The following ATP7B variants were observed in gnomAD, a reference collection of about 807,000 sequenced individuals.
The protein encoded by ATP7B is copper-transporting ATPase 2.
In ATP7B, 113 loss-of-function variants were observed where a neutral mutation model predicts 118.9. That is an observed-to-expected ratio of 0.95 (90% confidence interval 0.82 to 1.11). The LOEUF (loss-of-function observed/expected upper bound fraction) is 1.11. Among genes scored for constraint, ATP7B ranks in the 50% most tolerant of loss-of-function variants. ATP7B has a pLI of 0.00. For synonymous variants in ATP7B, 777 were observed against 727.4 expected (o/e 1.07, Z -1.10); for missense variants, 1,867 against 1,871.4 (o/e 1.00, Z 0.04).
In ATP7B at chr13:51,974,495, T is replaced by C. The variant is rs753574641; in HGVS notation, c.725A>G (p.Asn242Ser). Reference sequence around the variant, plus strand: ...CCCCAAGGTCTCAGAATTATTAAAATTCTGGTTAGCAGAAGATAAAGGTCT... The same window carrying C: ...CCCCAAGGTCTCAGAATTATTAAAACTCTGGTTAGCAGAAGATAAAGGTCT... ...PKRPLSSANQ[N>S]FNNSETLGHQ... is the part of the protein sequence containing the mutation. The change falls in exon 2 of 21, where the codon AAT (asparagine) becomes AGT (serine). Residue 242 changes from asparagine to serine, a missense_variant. Asn to Ser is a conservative substitution (Grantham distance 46). Coordinates refer to ENST00000242839, the MANE Select transcript of ATP7B (RefSeq NM_000053.4). 1.2e-6 allele frequency: 2 copies of C among 1,614,148 alleles called. No homozygotes were observed. Among genetic ancestry groups the C allele is most frequent in the Non-Finnish European group, 1.7e-6 (2 of 1,180,010 alleles).
chr13:51,987,580 A>C (rs1255568436), intron 1 of ATP7B, among the ~76,000 whole-genome samples: 1 of 152,204 alleles, frequency 6.6e-6, no homozygotes, highest in Non-Finnish European at 1.5e-5. Flanking sequence ...TTCATACGGA[A>C]CCAAAAAAGA....
At chr13:51,987,186 A>C (rs1952697685) in intron 1 of ATP7B, among the ~76,000 whole-genome samples, 1 of 152,222 alleles carries the variant, frequency 6.6e-6, no homozygotes, top group Admixed American at 6.5e-5. Context: ...TCTCAGCCCA[A>C]AATCTCCTTA....
chr13:51,972,712 G>C (rs1192736031), intron 2 of ATP7B, among the ~76,000 whole-genome samples: 2 of 152,168 alleles, frequency 1.3e-5, no homozygotes, highest in South Asian at 4.1e-4. Context: ...TAAAACCCAT[G>C]ATGGTGGCTG....
At chr13:52,001,675 T>C (rs550822945) in intron 1 of ATP7B, among the ~76,000 whole-genome samples, 1 of 152,188 alleles carries the variant, frequency 6.6e-6, no homozygotes, top group African/African-American at 2.4e-5. Flanking sequence ...TCCTTCCCTG[T>C]CTTATTTTTC....
chr13:51,996,963 A>G (rs149754940), intron 1 of ATP7B, among the ~76,000 whole-genome samples: 7 of 152,362 alleles, frequency 4.6e-5, no homozygotes, highest in Non-Finnish European at 8.8e-5. Context: ...CATCAAAGGA[A>G]AGGTATATTT....
chr13:51,972,067 C>T lies in ATP7B; in HGVS notation c.1286-1318G>A, dbSNP rs547320186. Among the ~76,000 whole-genome samples the T allele has an allele frequency of 2.6e-5, 4 of 152,322 alleles. No individual in the cohort carries two copies. In the East Asian group the frequency reaches 7.7e-4, roughly 29 times the overall value. On this transcript the variant is annotated intron_variant, in intron 2 of 20. Coordinates refer to ENST00000242839, the MANE Select transcript of ATP7B (RefSeq NM_000053.4). ...GTCTGGGACCTAATCGGTTACAACACACCACCCACACAGCTGCCCCTCACA... is the reference window on the plus strand; with the variant it reads ...GTCTGGGACCTAATCGGTTACAACATACCACCCACACAGCTGCCCCTCACA...
intron 5 of ATP7B, among the ~76,000 whole-genome samples, chr13:51,962,230 G>A (rs1163522504): frequency 2.0e-5 from 3 of 152,162 alleles, no homozygotes; most frequent in Admixed American, 1.3e-4. Flanking sequence ...CATGTATGAG[G>A]AAACAGAAGG....
chr13:51,981,817 C>T (rs1447981548), intron 1 of ATP7B, among the ~76,000 whole-genome samples: 1 of 152,030 alleles, frequency 6.6e-6, no homozygotes, highest in Non-Finnish European at 1.5e-5. Context: ...TCCAATTTTT[C>T]AAACTTAAAT....
At position 51,934,908 on chromosome 13, in the gene ATP7B, C is replaced by T. The variant is rs777494364; in HGVS notation, c.4246G>A (p.Ala1416Thr). 2.2e-5 allele frequency: 35 copies of T among 1,614,118 alleles called. No homozygotes were observed. In the South Asian group the frequency reaches 3.6e-4, roughly 17 times the overall value. The change falls in exon 21 of 21, where the codon GCC (alanine) becomes ACC (threonine). Residue 1416 changes from alanine (A) to threonine (T), a missense_variant. Transcript: ENST00000242839. ...TAGCTGACCTGGTCCCATGGTGTGG[C>T]CCTGGGGGAGTCCCGCCACCTGTCA... ...MDDRWRDSPR[A>T]TPWDQVSYVS...
chr13:51,964,681 T>A, intron 5 of ATP7B, 191 bp downstream of exon 5: 1 of 623,240 alleles, frequency 1.6e-6, no homozygotes, highest in Non-Finnish European at 2.7e-6. Flanking sequence ...TTCACTGATA[T>A]CCTCCCTCAG....
intron 6 of ATP7B, among the ~76,000 whole-genome samples, chr13:51,960,889 A>G (rs993779391): frequency 3.9e-5 from 6 of 152,150 alleles, no homozygotes; most frequent in African/African-American, 1.4e-4. Flanking sequence ...AGCATCCATG[A>G]AATTCCAACC....
chr13:51,987,396 C>A (rs1388751494), intron 1 of ATP7B, among the ~76,000 whole-genome samples: 2 of 152,178 alleles, frequency 1.3e-5, no homozygotes, highest in African/African-American at 4.8e-5. Context: ...CAAACCACTG[C>A]TCAAGGAAAT....
At chr13:51,945,917 C>T (rs1046145822) in intron 13 of ATP7B, among the ~76,000 whole-genome samples, 1 of 152,176 alleles carries the variant, frequency 6.6e-6, no homozygotes, top group African/African-American at 2.4e-5. Context: ...CACGGTGGGG[C>T]TTTTGTCCTG....
chr13:51,964,457 G>A (rs1354569931), intron 5 of ATP7B, among the ~76,000 whole-genome samples: 1 of 152,210 alleles, frequency 6.6e-6, no homozygotes, highest in African/African-American at 2.4e-5. Context: ...CACAACAAGA[G>A]TGGCCTGGCA....
chr13:51,958,601 G>T (rs1050329547), intron 7 of ATP7B, 57 bp from the exon 8 acceptor site: 2 of 1,492,364 alleles, frequency 1.3e-6, no homozygotes, highest in African/African-American at 1.4e-5. Flanking sequence ...TTCAATGAGC[G>T]ACACAGGGCC....
intron 1 of ATP7B, among the ~76,000 whole-genome samples, chr13:52,002,648 TACTC>T (rs1452233133): frequency 7.4e-5 from 6 of 81,302 alleles, no homozygotes; most frequent in South Asian, 4.4e-4. Flanking sequence ...CTCCCTCACT[TACTC>T]ATTCATTTAT....
At chr13:51,995,482 T>C (rs923143168) in intron 1 of ATP7B, among the ~76,000 whole-genome samples, 24 of 152,132 alleles carry the variant, frequency 1.6e-4, no homozygotes, top group African/African-American at 5.1e-4. Flanking sequence ...GGGTCACATG[T>C]TGGTCACTCA....
chr13:51,963,562 C>T (rs1397846792), intron 5 of ATP7B, among the ~76,000 whole-genome samples: 2 of 151,374 alleles, frequency 1.3e-5, no homozygotes, highest in Non-Finnish European at 2.9e-5. Context: ...ATGATGAAAC[C>T]CTGTCTCTAC....
intron 5 of ATP7B, among the ~76,000 whole-genome samples, chr13:51,964,595 A>G (rs938499022): frequency 1.3e-5 from 2 of 152,182 alleles, no homozygotes; most frequent in Non-Finnish European, 2.9e-5. Flanking sequence ...GGGTATCTTG[A>G]CAATATTGAT....
Sources: gnomAD v4.1 joint callset for allele counts (sites outside exome capture counted in the v4.1 genomes callset) on GRCh38, gnomAD v4.1.1 for gene constraint, MANE v1.5 for transcripts, NCBI Gene and HGNC (gene_info 2026-07-23, HGNC 2026-07-21) for gene names.